The following FSTL4 variants were observed in gnomAD, a reference collection of about 807,000 sequenced individuals.
FSTL4 encodes the protein follistatin-related protein 4.
Under a neutral mutation model 78.2 loss-of-function variants are expected in FSTL4, and 28 were observed. The observed-to-expected ratio is 0.36, with a 90% confidence interval of 0.27 to 0.49. The LOEUF (loss-of-function observed/expected upper bound fraction) is 0.49. FSTL4 is among the 20% of genes least tolerant of loss of function. The probability of loss-of-function intolerance (pLI) is 0.98; values close to 1 mark genes in which losing one functional copy is unlikely to be tolerated. For missense variants in FSTL4, 922 were observed against 1,084.9 expected (o/e 0.85, Z 2.11); for synonymous variants, 422 against 440.5 (o/e 0.96, Z 0.53).
At chr5:133,631,079 C>G in the FSTL4 span, among the ~76,000 whole-genome samples, 3 of 152,228 alleles carry the variant, frequency 2.0e-5, no homozygotes, top group East Asian at 1.9e-4. Flanking sequence ...ATTCAGGACA[C>G]AGGCATGGGC....
At chr5:133,537,254 T>G (rs915731303) in intron 3 of FSTL4, among the ~76,000 whole-genome samples, 39 of 152,366 alleles carry the variant, frequency 2.6e-4, no homozygotes, top group African/African-American at 8.9e-4. Flanking sequence ...TTTACAATAC[T>G]GACCTTCTTA....
At chr5:133,655,430 A>G in the FSTL4 span, among the ~76,000 whole-genome samples, 33,261 of 152,130 alleles carry the variant, frequency 0.22, 3,882 homozygotes, top group Admixed American at 0.29. Context: ...CTTCACAGCA[A>G]TTTTCAAATT....
At chr5:133,604,017 G>A (rs779377935) in intron 1 of FSTL4, 24 bp from the exon 2 acceptor site, 13 of 1,570,164 alleles carry the variant, frequency 8.3e-6, no homozygotes, top group Non-Finnish European at 1.1e-5. Flanking sequence ...GACAAATGCT[G>A]AGAATAAAAC....
intron 3 of FSTL4, among the ~76,000 whole-genome samples, chr5:133,487,382 C>A (rs187289129): frequency 6.6e-6 from 1 of 152,286 alleles, no homozygotes; most frequent in Non-Finnish European, 1.5e-5. Flanking sequence ...CACCATCTTT[C>A]CTTGCAGATG....
intron 4 of FSTL4, among the ~76,000 whole-genome samples, chr5:133,345,045 T>C (rs549008544): frequency 6.6e-6 from 1 of 150,606 alleles, no homozygotes; most frequent in East Asian, 2.0e-4. Flanking sequence ...CTCCACTCAC[T>C]GCAAGCTCCG....
chr5:133,732,777 A>C, the FSTL4 span, among the ~76,000 whole-genome samples: 1 of 152,206 alleles, frequency 6.6e-6, no homozygotes. Context: ...CACGGCCCAC[A>C]GTGCAGGGGT....
chr5:133,215,975 T>C (rs935196991), intron 13 of FSTL4, among the ~76,000 whole-genome samples: 1 of 152,208 alleles, frequency 6.6e-6, no homozygotes, highest in Non-Finnish European at 1.5e-5. Context: ...AATCCTTAAT[T>C]GAAACACATC....
At chr5:133,237,853 CTTT>C (rs11355354) in intron 7 of FSTL4, among the ~76,000 whole-genome samples, 12 of 142,254 alleles carry the variant, frequency 8.4e-5, no homozygotes, top group Admixed American at 7.0e-5. Flanking sequence ...TTATGGATGG[CTTT>C]TTTTTTTTTT....
At chr5:133,673,776 A>C in the FSTL4 span, among the ~76,000 whole-genome samples, 1 of 152,196 alleles carries the variant, frequency 6.6e-6, no homozygotes, top group Non-Finnish European at 1.5e-5. Flanking sequence ...GTGAGGGAGA[A>C]AGATACAAGT....
the FSTL4 span, among the ~76,000 whole-genome samples, chr5:133,651,083 T>C: frequency 6.6e-6 from 1 of 152,236 alleles, no homozygotes; most frequent in African/African-American, 2.4e-5. Flanking sequence ...GTTTTAACCA[T>C]GTATCTTGCA....
intron 3 of FSTL4, among the ~76,000 whole-genome samples, chr5:133,470,283 C>G (rs180969574): frequency 7.2e-5 from 11 of 152,272 alleles, no homozygotes; most frequent in Admixed American, 3.9e-4. Flanking sequence ...TGACAGCTGA[C>G]TAAAAATAAA....
At chr5:133,772,534 T>C in the FSTL4 span, among the ~76,000 whole-genome samples, 1 of 152,192 alleles carries the variant, frequency 6.6e-6, no homozygotes, top group Non-Finnish European at 1.5e-5. Context: ...TAATTTATGA[T>C]GAACAGAAAT....
chr5:133,517,479 C>CCACACA (rs70974086), intron 3 of FSTL4, among the ~76,000 whole-genome samples: 12,214 of 55,426 alleles, frequency 0.22, 1,737 homozygotes, highest in East Asian at 0.4. Flanking sequence ...CACACACACA[C>CCACACA]CACACACACA....
At chr5:133,782,558 C>T in the FSTL4 span, among the ~76,000 whole-genome samples, 2 of 152,232 alleles carry the variant, frequency 1.3e-5, no homozygotes, top group South Asian at 2.1e-4. Context: ...AGAGTGCTTC[C>T]CTGTGATCTT....
At chr5:133,691,102 A>C in the FSTL4 span, among the ~76,000 whole-genome samples, 42 of 152,334 alleles carry the variant, frequency 2.8e-4, no homozygotes, top group Admixed American at 1.2e-3. Flanking sequence ...GTTTTTCAGG[A>C]TGTCTCTGAA....
At chr5:133,757,513 G>A in the FSTL4 span, among the ~76,000 whole-genome samples, 4 of 152,152 alleles carry the variant, frequency 2.6e-5, no homozygotes, top group African/African-American at 4.8e-5. Flanking sequence ...TATCCACCTC[G>A]GAAGCCTTAG....
intron 4 of FSTL4, among the ~76,000 whole-genome samples, chr5:133,324,991 G>C (rs540883563): frequency 2.0e-4 from 30 of 152,364 alleles, no homozygotes; most frequent in African/African-American, 7.0e-4. Context: ...GCATGGCCAG[G>C]CTAGGGGTGG....
At chr5:133,624,186 T>TA in the FSTL4 span, among the ~76,000 whole-genome samples, 2 of 151,742 alleles carry the variant, frequency 1.3e-5, no homozygotes, top group Non-Finnish European at 2.9e-5. Flanking sequence ...AGCTAAAAGG[T>TA]AAAAATGACT....
At position 133,567,332 on chromosome 5, in the gene FSTL4, G is replaced by A. The variant is rs553588485; in HGVS notation, c.127-113C>T. ...ATTTATGAAAAGGTGAACAATCTACGAAGAACATGACACTGAGCAATGTTG... is the reference window on the plus strand; with the variant it reads ...ATTTATGAAAAGGTGAACAATCTACAAAGAACATGACACTGAGCAATGTTG... On this transcript the variant is annotated intron_variant, in intron 2 of 15. Coordinates refer to ENST00000265342, the MANE Select transcript of FSTL4 (RefSeq NM_015082.2). 3.0e-4 allele frequency: 238 copies of A among 795,480 alleles called. 4 individuals are homozygous for A. In the South Asian group the frequency reaches 3.2e-3, roughly 11 times the overall value. The allele number at this position is 795,480 out of a possible 1,614,324, so 49.3% of individuals were successfully genotyped here. A position where few individuals can be genotyped will look rare whatever the true frequency, so the allele number is the denominator to read the frequency against.
Sources: allele counts gnomAD v4.1 joint callset (sites outside exome capture counted in the v4.1 genomes callset), GRCh38; gene constraint gnomAD v4.1.1; transcripts MANE v1.5; gene names NCBI Gene and HGNC (gene_info 2026-07-23, HGNC 2026-07-21).